The following ANKRD45 variants were observed in gnomAD, a reference collection of about 807,000 sequenced individuals.
ANKRD45 encodes the protein ankyrin repeat domain 45.
A neutral mutation model predicts 28.1 loss-of-function variants in ANKRD45; 21 were observed. The observed-to-expected ratio is 0.75, with a 90% CI of 0.53 to 1.08. ANKRD45 has a LOEUF of 1.08. Ranked by LOEUF, ANKRD45 falls within the 50% of genes least tolerant of loss-of-function variation. The probability of loss-of-function intolerance (pLI) is 0.00; values close to 1 mark genes in which losing one functional copy is unlikely to be tolerated. For missense variants in ANKRD45, 261 were observed against 308.7 expected, an observed-to-expected ratio of 0.85 and a Z score of 1.16; for synonymous variants, 86 against 103.9, an observed-to-expected ratio of 0.83 and a Z score of 1.05.
At chr1:173,642,503 C>T (rs538407137) in intron 3 of ANKRD45, among the ~76,000 whole-genome samples, 4 of 152,300 alleles carry the variant, frequency 2.6e-5, no homozygotes, top group Admixed American at 6.5e-5. Flanking sequence ...TCCTCCCAGT[C>T]TACTTCAGAA....
chr1:173,683,308 G>GA, the ANKRD45 span, among the ~76,000 whole-genome samples: 9 of 151,022 alleles, frequency 6.0e-5, no homozygotes, highest in Non-Finnish European at 8.9e-5. Flanking sequence ...CTAACAGCAG[G>GA]AAAAAAAAAT....
chr1:173,628,373 G>C (rs967934096), intron 3 of ANKRD45, among the ~76,000 whole-genome samples: 1 of 151,982 alleles, frequency 6.6e-6, no homozygotes, highest in Non-Finnish European at 1.5e-5. Flanking sequence ...GAGCATTTCT[G>C]GGCCTGGCCT....
rs1015017245 is a variant in ANKRD45 at position 173,657,192 on chromosome 1, C to T, written c.328+1899G>A. Among the ~76,000 whole-genome samples, 8 of 151,602 alleles carry T rather than the reference C, an allele frequency of 5.3e-5. No homozygotes were observed. In the East Asian group the frequency reaches 7.9e-4, roughly 15 times the overall value. ...TTAATAGTATTAAAGCTCGGCTGGG[C>T]GCGGTGACTCACACCTATAATCCCA... On this transcript the variant is annotated intron_variant, in intron 2 of 5. Transcript: ENST00000333279.
chr1:173,707,321 TTCAGGGAAGTGTTTCTC>T, the ANKRD45 span, among the ~76,000 whole-genome samples: 1 of 152,064 alleles, frequency 6.6e-6, no homozygotes, highest in Non-Finnish European at 1.5e-5. Context: ...TTGAGTCATA[TTCAGGGAAGTGTTTCTC>T]CTTTTTTTTT....
At chr1:173,647,146 C>G in intron 2 of ANKRD45, 133 bp from the exon 3 acceptor site, 2 of 763,804 alleles carry the variant, frequency 2.6e-6, no homozygotes, top group East Asian at 5.6e-5. Flanking sequence ...AACTGTCTTA[C>G]ATATAGAAAA....
At chr1:173,662,822 A>T (rs1197092032) in intron 1 of ANKRD45, among the ~76,000 whole-genome samples, 1 of 152,110 alleles carries the variant, frequency 6.6e-6, no homozygotes, top group African/African-American at 2.4e-5. Context: ...TTAAGAGGAG[A>T]GGGAGGAAAA....
At chr1:173,664,947 C>G (rs1247789680) in intron 1 of ANKRD45, among the ~76,000 whole-genome samples, 1 of 152,042 alleles carries the variant, frequency 6.6e-6, no homozygotes, top group Non-Finnish European at 1.5e-5. Context: ...TAATACTGGG[C>G]AATTTACATA....
chr1:173,665,240 G>GCTATCCTCCTGCC (rs1185231218), intron 1 of ANKRD45, among the ~76,000 whole-genome samples: 1 of 152,076 alleles, frequency 6.6e-6, no homozygotes, highest in Non-Finnish European at 1.5e-5. Context: ...CTGGGCTCAA[G>GCTATCCTCCTGCC]CTATCCTCCT....
At chr1:173,615,438 G>T (rs971012972) in intron 5 of ANKRD45, among the ~76,000 whole-genome samples, 2 of 150,804 alleles carry the variant, frequency 1.3e-5, no homozygotes, top group Admixed American at 1.3e-4. Flanking sequence ...GTGCGGTCTA[G>T]TGCTCCTAAG....
intron 3 of ANKRD45, among the ~76,000 whole-genome samples, chr1:173,628,690 C>T (rs1484606884): frequency 6.6e-6 from 1 of 152,222 alleles, no homozygotes; most frequent in East Asian, 1.9e-4. Flanking sequence ...TCCAGACCCA[C>T]CCAGAGCCTG....
intron 1 of ANKRD45, among the ~76,000 whole-genome samples, chr1:173,663,140 A>G (rs1174852713): frequency 6.6e-6 from 1 of 151,946 alleles, no homozygotes; most frequent in Non-Finnish European, 1.5e-5. Flanking sequence ...CTAATAAAAG[A>G]TATAGCTAAC....
At chr1:173,707,059 A>C in the ANKRD45 span, among the ~76,000 whole-genome samples, 1 of 152,144 alleles carries the variant, frequency 6.6e-6, no homozygotes, top group Non-Finnish European at 1.5e-5. Flanking sequence ...TATATTCATA[A>C]TATATTTAAA....
intron 5 of ANKRD45, among the ~76,000 whole-genome samples, chr1:173,614,463 A>C (rs1313869015): frequency 2.0e-5 from 3 of 152,188 alleles, no homozygotes; most frequent in African/African-American, 7.2e-5. Flanking sequence ...TCAATTTCCA[A>C]ATAGTTATAG....
the ANKRD45 span, among the ~76,000 whole-genome samples, chr1:173,707,060 T>G: frequency 5.3e-5 from 8 of 152,322 alleles, no homozygotes; most frequent in African/African-American, 1.7e-4. Flanking sequence ...ATATTCATAA[T>G]ATATTTAAAT....
upstream of ANKRD45, among the ~76,000 whole-genome samples, chr1:173,672,651 C>T (rs921746814): frequency 3.3e-5 from 5 of 152,064 alleles, no homozygotes; most frequent in African/African-American, 9.7e-5. Context: ...GCAAAGATGC[C>T]GTGAGCTCCA....
At chr1:173,681,281 A>C in the ANKRD45 span, among the ~76,000 whole-genome samples, 1 of 152,282 alleles carries the variant, frequency 6.6e-6, no homozygotes. Flanking sequence ...TATCAAACTC[A>C]ATCTCTAGAA....
chr1:173,670,273 G>C (rs1334022883), upstream of ANKRD45, among the ~76,000 whole-genome samples: 2 of 152,184 alleles, frequency 1.3e-5, no homozygotes, highest in African/African-American at 2.4e-5. Context: ...CTTAGGAGCA[G>C]AAGAAACTTG....
rs1668963766 is a variant in ANKRD45 at position 173,646,998 on chromosome 1, T to C, written c.344A>G (p.His115Arg). The part of the protein sequence containing the change: ...EKTTRGYTLL[H>R]CAAAWGRLET... ...CAAACGACCCCAGGCTGCAGCACAATGTAAGAGTGTGTACCCTAACAAATG... is the reference window on the plus strand; with the variant it reads ...CAAACGACCCCAGGCTGCAGCACAACGTAAGAGTGTGTACCCTAACAAATG... The change falls in exon 3 of 6, where the codon CAT becomes CGT. Residue 115 changes from histidine (H) to arginine (R), a missense_variant. Physicochemically the swap from His to Arg is conservative, Grantham distance 29 (BLOSUM62 0). Coordinates refer to ENST00000333279, the MANE Select transcript of ANKRD45 (RefSeq NM_198493.3). The C allele has an allele frequency of 3.1e-6, 5 of 1,614,044 alleles. No homozygotes were observed. The highest frequency in any genetic ancestry group is 4.2e-6 in the Non-Finnish European group (5 of 1,179,928).
chr1:173,707,418 C>T, the ANKRD45 span, among the ~76,000 whole-genome samples: 3 of 151,918 alleles, frequency 2.0e-5, no homozygotes, highest in Admixed American at 2.0e-4. Context: ...CCATAACATC[C>T]ACCTTCCAGG....
Sources: gnomAD v4.1 joint callset for allele counts (sites outside exome capture counted in the v4.1 genomes callset) on GRCh38, gnomAD v4.1.1 for gene constraint, MANE v1.5 for transcripts, NCBI Gene and HGNC (gene_info 2026-07-23, HGNC 2026-07-21) for gene names.